The following ADRA1B variants were observed in gnomAD, a reference collection of about 807,000 sequenced individuals.
ADRA1B encodes alpha-1B adrenergic receptor.
In ADRA1B, 17 loss-of-function variants were observed where a neutral mutation model predicts 17.9. The observed-to-expected ratio is 0.95, with a 90% CI of 0.65 to 1.42. ADRA1B has a LOEUF of 1.42. Among genes scored for constraint, ADRA1B ranks in the 40% most tolerant of loss-of-function variants. The pLI, the probability that ADRA1B is intolerant of heterozygous loss-of-function variation, is 0.00. For synonymous variants in ADRA1B, 366 were observed against 327.6 expected, an observed-to-expected ratio of 1.12 and a Z score of -1.27; for missense variants, 681 against 722.1, an observed-to-expected ratio of 0.94 and a Z score of 0.65.
intron 1 of ADRA1B, among the ~76,000 whole-genome samples, chr5:159,910,892 T>C (rs542145681): frequency 9.2e-5 from 14 of 152,272 alleles, no homozygotes; most frequent in Non-Finnish European, 1.5e-5. Context: ...GCTGTTTTTT[T>C]GTTTTGCTTT....
At chr5:159,970,919 C>T (rs1349373921) in intron 1 of ADRA1B, among the ~76,000 whole-genome samples, 1 of 152,170 alleles carries the variant, frequency 6.6e-6, no homozygotes, top group Non-Finnish European at 1.5e-5. Context: ...ATCCTCCTGC[C>T]TCAACCTCCC....
rs76502785 is a variant in ADRA1B at position 159,906,781 on chromosome 5, G to T, written c.-255-9338G>T. The stretch of plus-strand genomic sequence containing the variant: ...AGTGGCAACAAAGGGCCAAACTTTC[G>T]CACCTGGAGATGATCCATCTGTTTT... On this transcript the variant is annotated intron_variant, in intron 1 of 2. Coordinates refer to the ADRA1B transcript ENST00000641205. Among the ~76,000 whole-genome samples, 452 of 152,312 alleles carry T rather than the reference G, an allele frequency of 3.0e-3. 3 individuals carry two copies. Among genetic ancestry groups the T allele is most frequent in the African/African-American group, 0.01 (430 of 41,568 alleles).
At chr5:159,959,901 G>A (rs146932203) in intron 1 of ADRA1B, among the ~76,000 whole-genome samples, 4 of 151,810 alleles carry the variant, frequency 2.6e-5, no homozygotes, top group African/African-American at 9.7e-5. Flanking sequence ...ATAATATTGC[G>A]TATTATGGAA....
At chr5:159,866,184 T>C (rs1753650438) in intron 1 of ADRA1B, among the ~76,000 whole-genome samples, 1 of 151,656 alleles carries the variant, frequency 6.6e-6, no homozygotes, top group East Asian at 1.9e-4. Flanking sequence ...TTTATGCCTG[T>C]AGTCCCAGCT....
intron 1 of ADRA1B, among the ~76,000 whole-genome samples, chr5:159,906,988 CT>C (rs1754168808): frequency 6.6e-6 from 1 of 152,220 alleles, no homozygotes; most frequent in Admixed American, 6.5e-5. Context: ...ACGAGTCCCC[CT>C]GCCTTCCCTG....
chr5:159,962,641 G>A (rs191259522), intron 1 of ADRA1B, among the ~76,000 whole-genome samples: 28 of 149,886 alleles, frequency 1.9e-4, no homozygotes, highest in Admixed American at 1.4e-3. Flanking sequence ...GACCCAATAC[G>A]CACAGCATCT....
chr5:159,985,050 C>T, the ADRA1B span, among the ~76,000 whole-genome samples: 1 of 152,142 alleles, frequency 6.6e-6, no homozygotes, highest in Admixed American at 6.5e-5. Context: ...ACACTACCCC[C>T]TCCCTCACTC....
chr5:159,916,938 AT>A lies in ADRA1B; in HGVS notation c.34del (p.Ser12GlnfsTer9), dbSNP rs1197779093. The stretch of plus-strand genomic sequence containing the variant: ...CCGACCTGGACACCGGCCACAACAC[AT>A]CAGCACCTGCCCACTGGGGAGAGTT... ...NPDLDTGHNT[S>X]APAHWGELKN... On this transcript the variant is annotated frameshift_variant, in exon 1 of 2. Coordinates refer to ENST00000306675, the MANE Select transcript of ADRA1B (RefSeq NM_000679.4). LOFTEE classifies it high-confidence loss of function. 2 of 1,613,644 alleles carry A rather than the reference AT, an allele frequency of 1.2e-6. No individual in the cohort carries two copies. The highest frequency in any genetic ancestry group is 1.7e-6 in the Non-Finnish European group (2 of 1,179,818).
intron 1 of ADRA1B, chr5:159,955,147 G>T (rs1755529096): frequency 2.0e-6 from 2 of 985,278 alleles, no homozygotes; most frequent in Non-Finnish European, 2.4e-6. Context: ...AAGGGCTCTG[G>T]TGAGAAGACA....
chr5:159,876,295 G>T (rs758195628), intron 1 of ADRA1B, among the ~76,000 whole-genome samples: 1 of 152,182 alleles, frequency 6.6e-6, no homozygotes, highest in Non-Finnish European at 1.5e-5. Context: ...GCTCTGCATC[G>T]GCTTCTGTGC....
chr5:159,987,007 C>T, the ADRA1B span, among the ~76,000 whole-genome samples: 11 of 152,320 alleles, frequency 7.2e-5, no homozygotes, highest in African/African-American at 2.6e-4. Context: ...TCCCTAGAAC[C>T]CAGGATGGCT....
chr5:159,985,749 T>C, the ADRA1B span, among the ~76,000 whole-genome samples: 1 of 152,254 alleles, frequency 6.6e-6, no homozygotes, highest in African/African-American at 2.4e-5. Flanking sequence ...CAAAGGACTC[T>C]GGATCACTGA....
At chr5:159,923,136 G>A (rs575231145) in intron 1 of ADRA1B, among the ~76,000 whole-genome samples, 49 of 152,404 alleles carry the variant, frequency 3.2e-4, no homozygotes, top group African/African-American at 1.1e-3. Flanking sequence ...AGAGCCCAGA[G>A]AATTAGAAGG....
chr5:159,964,801 T>G (rs1293784954), intron 1 of ADRA1B, among the ~76,000 whole-genome samples: 1 of 152,190 alleles, frequency 6.6e-6, no homozygotes, highest in Non-Finnish European at 1.5e-5. Flanking sequence ...CACCACCTTC[T>G]TCATCTTGGT....
chr5:159,932,786 C>G (rs1754851984), intron 1 of ADRA1B, among the ~76,000 whole-genome samples: 2 of 152,118 alleles, frequency 1.3e-5, no homozygotes, highest in African/African-American at 4.8e-5. Context: ...TTTCACTGGA[C>G]AATGTATCTT....
intron 1 of ADRA1B, among the ~76,000 whole-genome samples, chr5:159,878,215 C>A (rs570810735): frequency 6.6e-6 from 1 of 152,304 alleles, no homozygotes; most frequent in African/African-American, 2.4e-5. Flanking sequence ...CAGCTGTTAC[C>A]TAGGCTATGT....
At chr5:159,975,270 A>G (rs28633560), downstream of ADRA1B, among the ~76,000 whole-genome samples, 478 of 152,296 alleles carry the variant, frequency 3.1e-3, 5 homozygotes, top group African/African-American at 1.0e-2. Flanking sequence ...GCCTGCCCCA[A>G]TCACCCTGGG....
chr5:159,929,477 T>G (rs1474190), intron 1 of ADRA1B, among the ~76,000 whole-genome samples: 43,045 of 150,100 alleles, frequency 0.29, 6,644 homozygotes, highest in African/African-American at 0.41. Flanking sequence ...AAAAAGAGGG[T>G]TTTTTTTCTC....
chr5:159,897,741 G>A (rs1012283359), intron 1 of ADRA1B, among the ~76,000 whole-genome samples: 6 of 152,154 alleles, frequency 3.9e-5, no homozygotes, highest in African/African-American at 7.2e-5. Context: ...CAGAATCCCA[G>A]TGCCCTCATC....
Sources: allele counts gnomAD v4.1 joint callset (sites outside exome capture counted in the v4.1 genomes callset), GRCh38; gene constraint gnomAD v4.1.1; transcripts MANE v1.5; gene names NCBI Gene and HGNC (gene_info 2026-07-23, HGNC 2026-07-21).